PTGER3: variants seen among roughly 807,000 people sequenced by gnomAD.
PTGER3 encodes prostaglandin E2 receptor EP3 subtype.
PTGER3 carries 22 observed loss-of-function variants against 34.7 expected under a neutral mutation model. That is an observed-to-expected ratio of 0.63 (90% CI 0.45 to 0.91). PTGER3 has a LOEUF of 0.91. Among genes scored for constraint, PTGER3 ranks in the 40% least tolerant of loss-of-function variants. PTGER3 has a pLI of 0.00. For missense variants in PTGER3, 468 were observed against 519.4 expected (o/e 0.90, Z 0.96); for synonymous variants, 241 against 230.1 (o/e 1.05, Z -0.43).
chr1:70,924,910 C>A (rs1485561124), intron 4 of PTGER3, among the ~76,000 whole-genome samples: 1 of 152,126 alleles, frequency 6.6e-6, no homozygotes, highest in Non-Finnish European at 1.5e-5. Flanking sequence ...ATATGGCTAG[C>A]CAAAGATGAA....
At chr1:71,033,973 G>A (rs906067579) in intron 1 of PTGER3, among the ~76,000 whole-genome samples, 21 of 151,736 alleles carry the variant, frequency 1.4e-4, no homozygotes, top group African/African-American at 4.1e-4. Flanking sequence ...ATAGTTATTG[G>A]TATAGTATTT....
At chr1:71,012,271 C>T in intron 2 of PTGER3, 34 bp downstream of exon 2, 2 of 1,614,048 alleles carry the variant, frequency 1.2e-6, no homozygotes, top group Non-Finnish European at 1.7e-6. Flanking sequence ...CCTTTCTGTC[C>T]ATCATTAGAG....
At chr1:70,976,955 C>G (rs983022620) in intron 2 of PTGER3, among the ~76,000 whole-genome samples, 1 of 152,102 alleles carries the variant, frequency 6.6e-6, no homozygotes, top group African/African-American at 2.4e-5. Context: ...CCCAAATTGC[C>G]AAGTATATAA....
intron 4 of PTGER3, among the ~76,000 whole-genome samples, chr1:70,895,842 G>C (rs1557637747): frequency 1.3e-5 from 2 of 152,172 alleles, no homozygotes; most frequent in East Asian, 1.9e-4. Context: ...TTGCAAAAGA[G>C]GTTTAAGCAG....
rs1645966079 is a variant in PTGER3 at position 70,863,189 on chromosome 1, C to CA, written c.*24-10331dup. Among the ~76,000 whole-genome samples the CA allele has an allele frequency of 3.3e-5, 5 of 151,950 alleles. No homozygotes were observed. The South Asian group carries it at 1.0e-3, about 32-fold the overall frequency. On this transcript the variant is annotated intron_variant, in intron 4 of 4. Transcript: ENST00000370931. Reference sequence around the variant, plus strand: ...TTTTTTTTCTCAGTCTCAGCTGGAACAAATGCTCTCCCATGTTCGTCTTTG... The same window carrying CA: ...TTTTTTTTCTCAGTCTCAGCTGGAACAAAATGCTCTCCCATGTTCGTCTTTG...
rs538404363 is a variant in PTGER3 at position 70,930,662 on chromosome 1, A to G, written c.*23+23101T>C. On this transcript the variant is annotated intron_variant, in intron 4 of 4. Coordinates refer to the PTGER3 transcript ENST00000370931. ...AGTGGCAAGAGAAAATGAGGAAGGT[A>G]CAAAAGCAGAAACCACTGATAAACC... 3.9e-5 allele frequency among the ~76,000 whole-genome samples: 6 copies of G among 152,304 alleles called. No individual in the cohort carries two copies. The South Asian group carries it at 1.0e-3, about 26-fold the overall frequency.
Position 71,047,810 on chromosome 1 carries a change from G to T in PTGER3, c.-233C>A, listed in dbSNP as rs1661008116. The T allele has an allele frequency of 2.7e-6, 1 of 376,940 alleles. No individual in the cohort carries two copies. The highest frequency in any genetic ancestry group is 4.5e-6 in the Non-Finnish European group (1 of 222,932). 23.3% of individuals were successfully genotyped at this position (376,940 alleles called of 1,614,324 possible). On this transcript the variant is annotated 5_prime_UTR_variant, in exon 1 of 4. Transcript: ENST00000306666. ...CTTCCTCTCTGGGAAACCTCTGGTG[G>T]CGAGGCGCGCGGAGGTGCCGAGTCC...
At chr1:70,941,718 G>A (rs989435349) in intron 4 of PTGER3, among the ~76,000 whole-genome samples, 2 of 152,090 alleles carry the variant, frequency 1.3e-5, no homozygotes, top group Non-Finnish European at 2.9e-5. Flanking sequence ...GAGTCATGAT[G>A]AGTCTATTTC....
chr1:70,970,743 C>T (rs12725281), downstream of PTGER3: 7,283 of 458,522 alleles, frequency 0.016, 66 homozygotes, highest in South Asian at 0.034. Context: ...AAGCAGGTAA[C>T]GGCATATCCG....
chr1:70,971,250 A>C lies in PTGER3; in HGVS notation c.*480T>G. 1.0e-6 allele frequency: 1 copy of C among 985,560 alleles called. No homozygotes were observed. Among genetic ancestry groups the C allele is most frequent in the Non-Finnish European group, 1.2e-6 (1 of 830,024 alleles). 61.1% of individuals were successfully genotyped at this position (985,560 alleles called of 1,614,324 possible). A position where few individuals can be genotyped will look rare whatever the true frequency, so the allele number is the denominator to read the frequency against. On this transcript the variant is annotated 3_prime_UTR_variant, in exon 4 of 4. Coordinates refer to ENST00000306666, the MANE Select transcript of PTGER3 (RefSeq NM_198719.2). ...TTCCCTCCTGCCCTCATTTGCTTTT[A>C]TATGTCGTTAAGTTCATATCCTATT...
chr1:70,925,518 A>T (rs1438846727), intron 4 of PTGER3, among the ~76,000 whole-genome samples: 2 of 152,174 alleles, frequency 1.3e-5, no homozygotes, highest in African/African-American at 4.8e-5. Flanking sequence ...TAAAGAAGCT[A>T]ATGTCCATCA....
chr1:70,986,277 C>A (rs999786192), intron 2 of PTGER3, among the ~76,000 whole-genome samples: 1 of 152,130 alleles, frequency 6.6e-6, no homozygotes, highest in Non-Finnish European at 1.5e-5. Flanking sequence ...TATGGATTAG[C>A]CATTTTTTAT....
chr1:71,039,649 CA>C (rs1183485427), intron 1 of PTGER3, among the ~76,000 whole-genome samples: 89 of 54,460 alleles, frequency 1.6e-3, no homozygotes, highest in South Asian at 8.5e-3. Flanking sequence ...GACTCTGTCT[CA>C]AAAAAAAAAA....
chr1:71,034,512 T>C (rs1227629498), intron 1 of PTGER3, among the ~76,000 whole-genome samples: 1 of 152,200 alleles, frequency 6.6e-6, no homozygotes, highest in Non-Finnish European at 1.5e-5. Context: ...TAATTGTTGA[T>C]CCACTTATAA....
chr1:71,016,802 C>CAAA (rs3044612), intron 1 of PTGER3, among the ~76,000 whole-genome samples: 98 of 130,176 alleles, frequency 7.5e-4, no homozygotes, highest in Admixed American at 1.3e-3. Context: ...GACTTGGGCT[C>CAAA]AAAAAAAAAA....
intron 2 of PTGER3, among the ~76,000 whole-genome samples, chr1:70,994,206 C>G (rs1387274426): frequency 1.3e-5 from 2 of 152,162 alleles, no homozygotes; most frequent in Non-Finnish European, 2.9e-5. Flanking sequence ...CCCTTCATAT[C>G]ACCTCAGAAA....
intron 4 of PTGER3, among the ~76,000 whole-genome samples, chr1:70,915,610 C>T (rs1647158028): frequency 6.6e-6 from 1 of 151,864 alleles, no homozygotes; most frequent in Non-Finnish European, 1.5e-5. Context: ...TGAGGAATTC[C>T]CAAATGTGTT....
chr1:70,876,726 A>G (rs1334302197), intron 4 of PTGER3, among the ~76,000 whole-genome samples: 2 of 151,990 alleles, frequency 1.3e-5, no homozygotes, highest in African/African-American at 4.8e-5. Context: ...TTTCCCCATT[A>G]CTTGTTTTTG....
intron 2 of PTGER3, among the ~76,000 whole-genome samples, chr1:70,981,926 C>G (rs749207311): frequency 2.0e-5 from 3 of 152,078 alleles, no homozygotes; most frequent in Non-Finnish European, 2.9e-5. Context: ...CCACAGTTAT[C>G]CTCACTCAGA....
Sources: allele counts gnomAD v4.1 joint callset (sites outside exome capture counted in the v4.1 genomes callset), GRCh38; gene constraint gnomAD v4.1.1; transcripts MANE v1.5; gene names NCBI Gene and HGNC (gene_info 2026-07-23, HGNC 2026-07-21).